MAP4K5: variants seen among roughly 807,000 people sequenced by gnomAD.
The protein encoded by MAP4K5 is MAPK/ERK kinase kinase kinase 5.
MAP4K5 carries 82 observed loss-of-function variants against 135.6 expected under a neutral mutation model. That is an observed-to-expected ratio of 0.60 (90% CI 0.51 to 0.73). The LOEUF (loss-of-function observed/expected upper bound fraction) is 0.73, where lower values mean the gene tolerates loss of function less well. Among genes scored for constraint, MAP4K5 ranks in the 30% least tolerant of loss-of-function variants. MAP4K5 has a pLI of 0.00. For synonymous variants in MAP4K5, 347 were observed against 335.0 expected, an observed-to-expected ratio of 1.04 and a Z score of -0.39; for missense variants, 907 against 1,010.9, an observed-to-expected ratio of 0.90 and a Z score of 1.39.
chr14:50,536,794 A>G (rs1388130469), upstream of MAP4K5, among the ~76,000 whole-genome samples: 1 of 152,158 alleles, frequency 6.6e-6, no homozygotes. Context: ...CTTGAGAGAG[A>G]AGATTTAGGG....
intron 3 of MAP4K5, among the ~76,000 whole-genome samples, chr14:50,499,272 G>C (rs997918127): frequency 6.6e-6 from 1 of 152,134 alleles, no homozygotes; most frequent in East Asian, 1.9e-4. Flanking sequence ...AAATGAAACA[G>C]AAAGAATGCT....
intron 17 of MAP4K5, 144 bp downstream of exon 17, chr14:50,445,935 A>G (rs1250811371): frequency 4.1e-6 from 2 of 484,690 alleles, no homozygotes; most frequent in African/African-American, 2.1e-5. Context: ...TATATATTTT[A>G]CACCATCATA....
chr14:50,421,678 G>C (rs2035736251), intron 32 of MAP4K5, among the ~76,000 whole-genome samples: 2 of 151,864 alleles, frequency 1.3e-5, no homozygotes, highest in African/African-American at 4.8e-5. Context: ...ACAGTCTGAA[G>C]GAAGTAGTTT....
chr14:50,432,535 C>G (rs889292270), intron 28 of MAP4K5, among the ~76,000 whole-genome samples: 1 of 123,088 alleles, frequency 8.1e-6, no homozygotes, highest in African/African-American at 4.2e-5. Flanking sequence ...CATTAAAAAA[C>G]AAAGCAAACA....
chr14:50,523,655 CT>C (rs2038198178), intron 2 of MAP4K5, among the ~76,000 whole-genome samples: 1 of 152,144 alleles, frequency 6.6e-6, no homozygotes, highest in African/African-American at 2.4e-5. Flanking sequence ...ACCTTTTCTT[CT>C]TTCTATACCT....
intron 2 of MAP4K5, among the ~76,000 whole-genome samples, chr14:50,517,121 C>CT (rs1566690307): frequency 6.9e-6 from 1 of 144,668 alleles, no homozygotes; most frequent in African/African-American, 2.5e-5. Flanking sequence ...GGCAACATTT[C>CT]TTTTTTTCAG....
intron 2 of MAP4K5, among the ~76,000 whole-genome samples, chr14:50,514,808 G>T (rs2140062500): frequency 6.8e-6 from 1 of 146,396 alleles, no homozygotes; most frequent in East Asian, 2.1e-4. Context: ...TATAAAGAGG[G>T]AATGGTGAAA....
At chr14:50,478,406 G>A (rs888146041) in intron 6 of MAP4K5, among the ~76,000 whole-genome samples, 15 of 150,176 alleles carry the variant, frequency 1.0e-4, no homozygotes, top group African/African-American at 1.2e-4. Context: ...TTTCCATTTC[G>A]TTTATTTTTA....
chr14:50,529,002 C>T (rs1030214252), intron 2 of MAP4K5, among the ~76,000 whole-genome samples: 9 of 152,164 alleles, frequency 5.9e-5, no homozygotes, highest in African/African-American at 9.6e-5. Context: ...AGTGGATATA[C>T]TATAAAATAG....
chr14:50,544,793 C>T (rs1011154499), intron 1 of MAP4K5, among the ~76,000 whole-genome samples: 11 of 151,868 alleles, frequency 7.2e-5, no homozygotes, highest in African/African-American at 2.4e-4. Flanking sequence ...AAAAATTAGC[C>T]AGGCATGGTG....
chr14:50,429,081 T>TA, intron 29 of MAP4K5, 111 bp downstream of exon 29: 1 of 689,020 alleles, frequency 1.5e-6, no homozygotes, highest in African/African-American at 1.8e-5. Flanking sequence ...TTACACATGA[T>TA]AAGTAACATT....
At chr14:50,535,685 G>A (rs77430215), upstream of MAP4K5, among the ~76,000 whole-genome samples, 1,270 of 152,324 alleles carry the variant, frequency 8.3e-3, 15 homozygotes, top group African/African-American at 0.029. Flanking sequence ...AATAGAACAT[G>A]TATCTCATTC....
At chr14:50,420,129 G>A (rs1263111441) in intron 32 of MAP4K5, 23 bp from the exon 33 acceptor site, 1 of 1,374,156 alleles carries the variant, frequency 7.3e-7, no homozygotes, top group Non-Finnish European at 1.0e-6. Flanking sequence ...CAAAACAAAG[G>A]GCTTAAGAGT....
At chr14:50,465,720 C>T (rs1416619261) in intron 11 of MAP4K5, among the ~76,000 whole-genome samples, 2 of 152,186 alleles carry the variant, frequency 1.3e-5, no homozygotes, top group African/African-American at 4.8e-5. Flanking sequence ...TTCCTCACCA[C>T]ACTTCTTACC....
intron 2 of MAP4K5, among the ~76,000 whole-genome samples, chr14:50,511,132 C>T (rs767264036): frequency 8.5e-5 from 13 of 152,228 alleles, no homozygotes; most frequent in East Asian, 1.9e-4. Flanking sequence ...GCACTATTCA[C>T]GACAGCCAAG....
chr14:50,442,825 TAAAG>T lies in MAP4K5; in HGVS notation c.1480-13_1480-10del, dbSNP rs1424168025. The T allele has an allele frequency of 4.0e-6, 6 of 1,506,480 alleles. No individual in the cohort carries two copies. The highest frequency in any genetic ancestry group is 2.3e-5 in the East Asian group (1 of 43,828). The allele number at this position is 1,506,480 out of a possible 1,614,324, so 93.3% of individuals were successfully genotyped here. A position where few individuals can be genotyped will look rare whatever the true frequency, so the allele number is the denominator to read the frequency against. On this transcript the variant is annotated splice_polypyrimidine_tract_variant and intron_variant, in intron 20 of 32. Transcript: ENST00000682126. ...GAAAAGCATGCTCCCATCTTATTTA[TAAAG>T]AAAGAAATGTTAACTTATTTGATTA... is the stretch of plus-strand genomic sequence containing the variant.
chr14:50,534,693 G>A (rs1327769427), upstream of MAP4K5, among the ~76,000 whole-genome samples: 1 of 152,220 alleles, frequency 6.6e-6, no homozygotes, highest in Non-Finnish European at 1.5e-5. Flanking sequence ...TGGTTAAAAA[G>A]TCGAGACTCT....
intron 3 of MAP4K5, among the ~76,000 whole-genome samples, chr14:50,492,069 T>C (rs968957676): frequency 2.6e-5 from 4 of 152,228 alleles, no homozygotes; most frequent in Non-Finnish European, 5.9e-5. Flanking sequence ...TTTCATCAAA[T>C]ATCAACTGGT....
At chr14:50,447,537 T>C in intron 15 of MAP4K5, 56 bp from the exon 16 acceptor site, 1 of 972,400 alleles carries the variant, frequency 1.0e-6, no homozygotes, top group Non-Finnish European at 1.5e-6. Flanking sequence ...ATTAACCATT[T>C]TATTTGATTC....
Sources: gnomAD v4.1 joint callset for allele counts (sites outside exome capture counted in the v4.1 genomes callset) on GRCh38, gnomAD v4.1.1 for gene constraint, MANE v1.5 for transcripts, NCBI Gene and HGNC (gene_info 2026-07-23, HGNC 2026-07-21) for gene names.